Variants in AGFG1 observed in about 807,000 individuals in gnomAD.
AGFG1 encodes the protein ArfGAP with FG repeats 1.
In AGFG1, 10 loss-of-function variants were observed where a neutral mutation model predicts 60.6. The observed-to-expected ratio is 0.16, with a 90% CI of 0.10 to 0.28. AGFG1 has a LOEUF of 0.28. Among genes scored for constraint, AGFG1 ranks in the 10% least tolerant of loss-of-function variants. The pLI, the probability that AGFG1 is intolerant of heterozygous loss-of-function variation, is 1.00. For missense variants in AGFG1, 537 were observed against 676.5 expected (o/e 0.79, Z 2.29); for synonymous variants, 247 against 242.9 (o/e 1.02, Z -0.16).
chr2:227,495,305 G>A (rs2106173930), intron 2 of AGFG1, among the ~76,000 whole-genome samples: 1 of 152,146 alleles, frequency 6.6e-6, no homozygotes, highest in East Asian at 1.9e-4. Context: ...CCAGCACTTT[G>A]GGAGGTGGAG....
chr2:227,479,630 G>A (rs1409702201), intron 1 of AGFG1, among the ~76,000 whole-genome samples: 1 of 152,064 alleles, frequency 6.6e-6, no homozygotes, highest in East Asian at 1.9e-4. Flanking sequence ...GGAAATATTC[G>A]GGACTAGGTT....
Position 227,559,484 on chromosome 2 carries a change from C to T in AGFG1, c.*4989C>T, listed in dbSNP as rs954882927. On this transcript the variant is annotated 3_prime_UTR_variant, in exon 13 of 13. Coordinates refer to ENST00000310078, the MANE Select transcript of AGFG1 (RefSeq NM_004504.5). ...TTTATTCTAGTGGATAAAAATTCAA[C>T]GTATATTTAAGTGTATTTTTGACAT... 2.6e-5 allele frequency: 4 copies of T among 151,974 alleles called. No homozygotes were observed. Among genetic ancestry groups the T allele is most frequent in the Admixed American group, 2.0e-4 (3 of 15,248 alleles). The allele number at this position is 151,974 out of a possible 1,614,324, so 9.4% of individuals were successfully genotyped here.
chr2:227,531,025 T>A (rs1014609088), intron 5 of AGFG1, 66 bp from the exon 6 acceptor site: 21 of 1,386,222 alleles, frequency 1.5e-5, no homozygotes, highest in Non-Finnish European at 2.0e-5. Flanking sequence ...CTTAAACTCA[T>A]GTGTCATGTA....
At chr2:227,486,026 C>T (rs1690622457) in intron 1 of AGFG1, among the ~76,000 whole-genome samples, 1 of 152,076 alleles carries the variant, frequency 6.6e-6, no homozygotes, top group Non-Finnish European at 1.5e-5. Flanking sequence ...AAATGCATTC[C>T]TTTAGAGAGA....
chr2:227,544,616 T>C (rs953482492), intron 10 of AGFG1, among the ~76,000 whole-genome samples: 2 of 152,210 alleles, frequency 1.3e-5, no homozygotes, highest in Non-Finnish European at 2.9e-5. Flanking sequence ...TTTCTATGTT[T>C]AGTACTTCCT....
chr2:227,537,973 T>C (rs1432604388), intron 10 of AGFG1, among the ~76,000 whole-genome samples: 2 of 152,222 alleles, frequency 1.3e-5, no homozygotes, highest in Admixed American at 6.5e-5. Context: ...TCTTCACTTA[T>C]ACTCTGTTGG....
rs1487571084 is a variant in AGFG1 at position 227,561,134 on chromosome 2, A to G, written c.*6639A>G. On this transcript the variant is annotated 3_prime_UTR_variant, in exon 13 of 13. Coordinates refer to ENST00000310078, the MANE Select transcript of AGFG1 (RefSeq NM_004504.5). ...TTTCTGAAATACTTTAGTATGATAG[A>G]TAAATTTGGTTAAGTTCTTGTTCAT... 1.3e-5 allele frequency: 2 copies of G among 152,192 alleles called. No individual in the cohort carries two copies. The highest frequency in any genetic ancestry group is 2.9e-5 in the Non-Finnish European group (2 of 67,992). The allele number at this position is 152,192 out of a possible 1,614,324, so 9.4% of individuals were successfully genotyped here. A position where few individuals can be genotyped will look rare whatever the true frequency, so the allele number is the denominator to read the frequency against.
chr2:227,512,299 G>A (rs1257878030), intron 2 of AGFG1, among the ~76,000 whole-genome samples: 1 of 152,200 alleles, frequency 6.6e-6, no homozygotes, highest in African/African-American at 2.4e-5. Flanking sequence ...AAAGATGTAT[G>A]TAAATGCAAA....
intron 2 of AGFG1, among the ~76,000 whole-genome samples, chr2:227,504,620 C>T (rs4246652): frequency 0.6 from 91,383 of 151,636 alleles, 27,523 homozygotes; most frequent in South Asian, 0.69. Flanking sequence ...CTGTGCTATA[C>T]AAATGTTGAT....
chr2:227,508,153 C>T (rs1393149973), intron 2 of AGFG1: 2 of 152,972 alleles, frequency 1.3e-5, no homozygotes, highest in Non-Finnish European at 2.9e-5. Flanking sequence ...TGCTAATTCT[C>T]TCTGTTCCTT....
At chr2:227,553,353 G>T in intron 11 of AGFG1, among the ~76,000 whole-genome samples, 1 of 152,084 alleles carries the variant, frequency 6.6e-6, no homozygotes, top group East Asian at 1.9e-4. Flanking sequence ...AAAATTAGCT[G>T]GGCGTGCTGG....
chr2:227,473,851 C>A (rs1157981163), intron 1 of AGFG1, among the ~76,000 whole-genome samples: 1 of 152,154 alleles, frequency 6.6e-6, no homozygotes, highest in Non-Finnish European at 1.5e-5. Flanking sequence ...AGTGTTATTT[C>A]TTCAGCAGAC....
At chr2:227,514,283 C>T (rs982026767) in intron 2 of AGFG1, among the ~76,000 whole-genome samples, 1 of 152,212 alleles carries the variant, frequency 6.6e-6, no homozygotes, top group African/African-American at 2.4e-5. Flanking sequence ...ACGATCTCAG[C>T]TCACTGCACC....
chr2:227,484,864 C>T (rs944331954), intron 1 of AGFG1, among the ~76,000 whole-genome samples: 17 of 151,622 alleles, frequency 1.1e-4, no homozygotes, highest in South Asian at 2.1e-4. Context: ...CCAACATGCC[C>T]GGCTAATTTT....
chr2:227,530,358 T>A (rs1172950079), intron 5 of AGFG1, among the ~76,000 whole-genome samples: 5 of 152,152 alleles, frequency 3.3e-5, no homozygotes, highest in Non-Finnish European at 5.9e-5. Context: ...TTGTTGAAGA[T>A]AGTGAATAGA....
intron 10 of AGFG1, among the ~76,000 whole-genome samples, chr2:227,538,304 G>T (rs1173357713): frequency 6.6e-6 from 1 of 152,174 alleles, no homozygotes; most frequent in Non-Finnish European, 1.5e-5. Flanking sequence ...CATATTTTGA[G>T]TACAGCCAGC....
In AGFG1 at chr2:227,472,826, T is replaced by C. The variant is rs920871978; in HGVS notation, c.167+238T>C. Among the ~76,000 whole-genome samples, 3 of 106,358 alleles carry C rather than the reference T, an allele frequency of 2.8e-5. No homozygotes were observed. The Admixed American group carries it at 3.8e-4, about 13-fold the overall frequency. 69.8% of individuals were successfully genotyped at this position (106,358 alleles called of 152,430 possible). A position where few individuals can be genotyped will look rare whatever the true frequency, so the allele number is the denominator to read the frequency against. ...TTTTGCCGGGCGAGGGTTTACGTTC[T>C]GGGCAGCCTTCGTGGGTGGGACGTG... On this transcript the variant is annotated intron_variant, in intron 1 of 12. Coordinates refer to ENST00000310078, the MANE Select transcript of AGFG1 (RefSeq NM_004504.5).
chr2:227,539,460 C>CATG (rs1692414877), intron 10 of AGFG1, among the ~76,000 whole-genome samples: 1 of 79,180 alleles, frequency 1.3e-5, no homozygotes, highest in Non-Finnish European at 2.8e-5. Flanking sequence ...ACAAAAAACA[C>CATG]ATGTTAACAC....
At position 227,559,734 on chromosome 2, in the gene AGFG1, C is replaced by T. The variant is rs1323261671; in HGVS notation, c.*5239C>T. ...GAATTCTAAATTCTCAGCATCTTCC[C>T]TCATTCTTGAGTGGAGAGACAGAGG... On this transcript the variant is annotated 3_prime_UTR_variant, in exon 13 of 13. Coordinates refer to ENST00000310078, the MANE Select transcript of AGFG1 (RefSeq NM_004504.5). 4 of 152,090 alleles carry T rather than the reference C, an allele frequency of 2.6e-5. No individual in the cohort carries two copies. Among genetic ancestry groups the T allele is most frequent in the African/African-American group, 7.2e-5 (3 of 41,418 alleles). 9.4% of individuals were successfully genotyped at this position (152,090 alleles called of 1,614,324 possible).
Sources: allele counts gnomAD v4.1 joint callset (sites outside exome capture counted in the v4.1 genomes callset), GRCh38; gene constraint gnomAD v4.1.1; transcripts MANE v1.5; gene names NCBI Gene and HGNC (gene_info 2026-07-23, HGNC 2026-07-21).